The following NELL1 variants were observed in gnomAD, a reference collection of about 807,000 sequenced individuals.
NELL1 encodes neural EGFL like 1, also known as protein kinase C-binding protein NELL1.
In NELL1, 76 loss-of-function variants were observed where a neutral mutation model predicts 107.4. The observed-to-expected ratio is 0.71, with a 90% CI of 0.59 to 0.86. NELL1 has a LOEUF of 0.86. Among genes scored for constraint, NELL1 ranks in the 40% least tolerant of loss-of-function variants. The pLI is 0.00. For missense variants in NELL1, 1,024 were observed against 1,005.5 expected (o/e 1.02, Z -0.25); for synonymous variants, 353 against 341.2 (o/e 1.03, Z -0.38).
At chr11:21,271,613 C>A (rs1590790724) in intron 14 of NELL1, among the ~76,000 whole-genome samples, 1 of 152,136 alleles carries the variant, frequency 6.6e-6, no homozygotes, top group Non-Finnish European at 1.5e-5. Flanking sequence ...GGAATACTTC[C>A]AAATTCTTTG....
At chr11:21,418,908 A>G (rs1465241966) in intron 15 of NELL1, among the ~76,000 whole-genome samples, 2 of 152,122 alleles carry the variant, frequency 1.3e-5, no homozygotes, top group African/African-American at 2.4e-5. Context: ...ACGTAAAGTG[A>G]ATGAGAATTA....
At chr11:21,109,866 C>T (rs1346348348) in intron 12 of NELL1, among the ~76,000 whole-genome samples, 2 of 152,080 alleles carry the variant, frequency 1.3e-5, no homozygotes, top group African/African-American at 4.8e-5. Context: ...GCTTTTGATA[C>T]ACCCTTGAAT....
chr11:21,537,572 A>G (rs1591017044), intron 16 of NELL1, among the ~76,000 whole-genome samples: 1 of 152,080 alleles, frequency 6.6e-6, no homozygotes, highest in African/African-American at 2.4e-5. Flanking sequence ...TCACTTTGTT[A>G]TAATACTTTT....
intron 14 of NELL1, among the ~76,000 whole-genome samples, chr11:21,315,541 G>A (rs1849860914): frequency 1.3e-5 from 2 of 152,192 alleles, no homozygotes; most frequent in Non-Finnish European, 2.9e-5. Flanking sequence ...CTTAACAAAT[G>A]TCTGATGAAG....
At chr11:20,732,386 C>T (rs943040892) in intron 2 of NELL1, among the ~76,000 whole-genome samples, 1 of 152,046 alleles carries the variant, frequency 6.6e-6, no homozygotes, top group African/African-American at 2.4e-5. Flanking sequence ...GATTTTTGTC[C>T]TTTTGTTCTG....
chr11:21,050,599 G>T (rs12294377), intron 12 of NELL1, among the ~76,000 whole-genome samples: 7,680 of 152,168 alleles, frequency 0.05, 663 homozygotes, highest in African/African-American at 0.17. Context: ...AGCCTACAAG[G>T]CTTGGTTCAG....
chr11:20,802,013 A>C (rs1431808299), intron 3 of NELL1, among the ~76,000 whole-genome samples: 1 of 152,154 alleles, frequency 6.6e-6, no homozygotes, highest in Non-Finnish European at 1.5e-5. Context: ...AAGTCAGGTA[A>C]TGTGATTCCT....
chr11:20,818,833 A>G (rs1054586680), intron 3 of NELL1, among the ~76,000 whole-genome samples: 9 of 152,208 alleles, frequency 5.9e-5, no homozygotes, highest in Admixed American at 5.9e-4. Context: ...ATCACAATAA[A>G]TATTAGCATA....
At chr11:21,307,729 A>C (rs1303509627) in intron 14 of NELL1, among the ~76,000 whole-genome samples, 1 of 151,982 alleles carries the variant, frequency 6.6e-6, no homozygotes, top group East Asian at 1.9e-4. Context: ...CCCTAGCTTT[A>C]TTCTAAGATA....
intron 14 of NELL1, among the ~76,000 whole-genome samples, chr11:21,230,366 G>A (rs1389838026): frequency 6.6e-6 from 1 of 152,174 alleles, no homozygotes; most frequent in Non-Finnish European, 1.5e-5. Context: ...TAAGCTCCAT[G>A]ACAGTGAACA....
At chr11:20,896,501 T>C (rs796636981) in intron 5 of NELL1, among the ~76,000 whole-genome samples, 7 of 152,218 alleles carry the variant, frequency 4.6e-5, no homozygotes, top group African/African-American at 1.4e-4. Context: ...GTAGTGGGAT[T>C]GCTGGATCAA....
intron 4 of NELL1, among the ~76,000 whole-genome samples, chr11:20,881,451 G>T (rs1849405399): frequency 6.6e-6 from 1 of 152,236 alleles, no homozygotes; most frequent in Middle Eastern, 3.4e-3. Flanking sequence ...AAATCCCAGC[G>T]GTGTCACTCA....
intron 17 of NELL1, among the ~76,000 whole-genome samples, chr11:21,567,323 G>A (rs533680455): frequency 6.6e-6 from 1 of 151,664 alleles, no homozygotes; most frequent in South Asian, 2.1e-4. Flanking sequence ...AATGGTATAT[G>A]AGCTGTAAAC....
chr11:20,747,087 C>A (rs540748783), intron 2 of NELL1, among the ~76,000 whole-genome samples: 69 of 152,276 alleles, frequency 4.5e-4, no homozygotes, highest in African/African-American at 1.6e-3. Flanking sequence ...GAACACCTGG[C>A]ACATATAATA....
intron 12 of NELL1, among the ~76,000 whole-genome samples, chr11:21,046,577 G>A (rs1853358970): frequency 6.6e-6 from 1 of 152,186 alleles, no homozygotes; most frequent in South Asian, 2.1e-4. Flanking sequence ...GATTAAAACA[G>A]TAATACTTAG....
chr11:21,105,401 C>G (rs548528726), intron 12 of NELL1, among the ~76,000 whole-genome samples: 5 of 152,230 alleles, frequency 3.3e-5, no homozygotes, highest in East Asian at 1.9e-4. Flanking sequence ...GTGGTGTTTA[C>G]GTCACACTCA....
intron 15 of NELL1, among the ~76,000 whole-genome samples, chr11:21,510,168 T>C (rs1262818014): frequency 2.0e-5 from 3 of 152,202 alleles, no homozygotes; most frequent in East Asian, 3.8e-4. Context: ...GAATGCACGA[T>C]TGGCCAGCCA....
At chr11:21,403,830 T>A (rs4923592) in intron 15 of NELL1, among the ~76,000 whole-genome samples, 1 of 151,462 alleles carries the variant, frequency 6.6e-6, no homozygotes, top group Non-Finnish European at 1.5e-5. Context: ...AAAGCTGGGA[T>A]CCCCATTTCT....
intron 14 of NELL1, among the ~76,000 whole-genome samples, chr11:21,307,784 G>C (rs116544133): frequency 0.018 from 2,698 of 151,972 alleles, 88 homozygotes; most frequent in African/African-American, 0.062. Flanking sequence ...AGGCCTATAT[G>C]AACCCTTACT....
Sources: allele counts gnomAD v4.1 joint callset (sites outside exome capture counted in the v4.1 genomes callset), GRCh38; gene constraint gnomAD v4.1.1; transcripts MANE v1.5; gene names NCBI Gene and HGNC (gene_info 2026-07-23, HGNC 2026-07-21).